Variants in ABCC12 observed in about 807,000 individuals in gnomAD.
ABCC12 encodes the protein ATP-binding cassette sub-family C member 12.
In ABCC12, 142 loss-of-function variants were observed where a neutral mutation model predicts 151.1. The observed-to-expected ratio is 0.94, with a 90% confidence interval of 0.82 to 1.08. ABCC12 has a LOEUF of 1.08. ABCC12 is among the 50% of genes least tolerant of loss of function. ABCC12 has a pLI of 0.00. For missense variants in ABCC12, 1,638 were observed against 1,691.1 expected (o/e 0.97, Z 0.55); for synonymous variants, 645 against 646.4 (o/e 1.00, Z 0.03).
At chr16:48,141,063 T>C in intron 5 of ABCC12, 143 bp from the exon 6 acceptor site, 3 of 1,398,974 alleles carry the variant, frequency 2.1e-6, no homozygotes, top group Admixed American at 2.5e-5. Context: ...TTGACAAGGA[T>C]TCACTTTATG....
Position 48,107,411 on chromosome 16 carries a change from G to A in ABCC12, c.2386C>T (p.Leu796Phe), listed in dbSNP as rs1296046633. 1 of 1,614,188 alleles carries A rather than the reference G, an allele frequency of 6.2e-7. No homozygotes were observed. The highest frequency in any genetic ancestry group is 8.5e-7 in the Non-Finnish European group (1 of 1,180,028). Reference protein sequence around the residue: ...IKASGGYLLSLFTVFLFLLMI... With the variant: ...IKASGGYLLSFFTVFLFLLMI... Reference sequence around the variant, plus strand: ...AGGAGGAAGAGGAACACAGTGAAGAGAGAAAGGAGGTACCCTGCAAGAGGA... The same window carrying A: ...AGGAGGAAGAGGAACACAGTGAAGAAAGAAAGGAGGTACCCTGCAAGAGGA... Residue 796 changes from leucine (L) to phenylalanine (F), a missense_variant, in exon 20 of 31, where the codon CTC becomes TTC. Leu to Phe is a conservative substitution (Grantham distance 22, BLOSUM62 0). Coordinates refer to ENST00000311303, the MANE Select transcript of ABCC12 (RefSeq NM_001393797.1).
chr16:48,145,303 T>C (rs1567458838), intron 3 of ABCC12, among the ~76,000 whole-genome samples: 1 of 152,184 alleles, frequency 6.6e-6, no homozygotes, highest in Admixed American at 6.5e-5. Context: ...CAGGGCCTCG[T>C]TCCATGTAGA....
rs1325326967 is a variant in ABCC12, at chr16:48,107,238, G to A, written c.2475+84C>T. 18 of 1,304,630 alleles carry A rather than the reference G, an allele frequency of 1.4e-5. No homozygotes were observed. The South Asian group carries it at 1.6e-4, about 11-fold the overall frequency. 80.8% of individuals were successfully genotyped at this position (1,304,630 alleles called of 1,614,324 possible). A position where few individuals can be genotyped will look rare whatever the true frequency, so the allele number is the denominator to read the frequency against. On this transcript the variant is annotated intron_variant, in intron 20 of 30. Transcript: ENST00000311303. ...GATGCATGTGGGCTCATGGCATGGTGGCAGGGGCAGTCAGATGCTCTGGCA... is the reference window on the plus strand; with the variant it reads ...GATGCATGTGGGCTCATGGCATGGTAGCAGGGGCAGTCAGATGCTCTGGCA...
intron 10 of ABCC12, among the ~76,000 whole-genome samples, chr16:48,129,582 G>T (rs1964354114): frequency 6.6e-6 from 1 of 152,204 alleles, no homozygotes; most frequent in Non-Finnish European, 1.5e-5. Context: ...TGGAGAGCCT[G>T]GAGGGGACAA....
intron 22 of ABCC12, among the ~76,000 whole-genome samples, chr16:48,103,292 G>A (rs1359429525): frequency 6.6e-6 from 1 of 151,194 alleles, no homozygotes; most frequent in Non-Finnish European, 1.5e-5. Context: ...TATAATTTGG[G>A]GGATTCTCTT....
chr16:48,139,741 T>C (rs775089890), intron 6 of ABCC12, among the ~76,000 whole-genome samples: 24 of 152,170 alleles, frequency 1.6e-4, no homozygotes, highest in Non-Finnish European at 2.4e-4. Flanking sequence ...CATGTGTCCA[T>C]GTTGAGGGCA....
intron 1 of ABCC12, among the ~76,000 whole-genome samples, chr16:48,155,274 A>G (rs1965169365): frequency 6.6e-6 from 1 of 152,178 alleles, no homozygotes; most frequent in Non-Finnish European, 1.5e-5. Context: ...GAGGTCATCC[A>G]TCCAGTTACA....
At chr16:48,150,043 G>T (rs1029669406) in intron 2 of ABCC12, among the ~76,000 whole-genome samples, 1 of 152,188 alleles carries the variant, frequency 6.6e-6, no homozygotes, top group African/African-American at 2.4e-5. Context: ...TCAAGTTAAA[G>T]ATTCTTACTA....
chr16:48,095,279 T>C (rs1025160358), intron 24 of ABCC12, among the ~76,000 whole-genome samples: 1 of 152,176 alleles, frequency 6.6e-6, no homozygotes, highest in Non-Finnish European at 1.5e-5. Flanking sequence ...TCTCATTCTC[T>C]CTTGTCTGCC....
At chr16:48,112,062 C>T in intron 15 of ABCC12, 152 bp from the exon 16 acceptor site, 1 of 966,244 alleles carries the variant, frequency 1.0e-6, no homozygotes, top group Non-Finnish European at 1.5e-6. Context: ...ATATTTACCA[C>T]CCTCCCTGGC....
intron 25 of ABCC12, among the ~76,000 whole-genome samples, chr16:48,090,479 A>G (rs1962833480): frequency 6.7e-6 from 1 of 150,256 alleles, no homozygotes; most frequent in Non-Finnish European, 1.5e-5. Flanking sequence ...CCTGGCTTCA[A>G]GCATTCCTCC....
At chr16:48,110,402 T>C (rs1963644325) in intron 18 of ABCC12, among the ~76,000 whole-genome samples, 1 of 152,194 alleles carries the variant, frequency 6.6e-6, no homozygotes, top group Non-Finnish European at 1.5e-5. Context: ...TGCGAAGTTT[T>C]TTTTTTGGCT....
At chr16:48,137,485 A>G (rs375837080) in intron 8 of ABCC12, among the ~76,000 whole-genome samples, 123 of 152,270 alleles carry the variant, frequency 8.1e-4, no homozygotes, top group African/African-American at 2.7e-3. Flanking sequence ...AGGGTCCCCT[A>G]GTGCTGCTGG....
At position 48,146,303 on chromosome 16, in the gene ABCC12, T is replaced by A. The variant is rs1228180273; in HGVS notation, c.119+3A>T. 6.2e-7 allele frequency: 1 copy of A among 1,613,880 alleles called. No individual in the cohort carries two copies. Among genetic ancestry groups the A allele is most frequent in the East Asian group, 2.2e-5 (1 of 44,886 alleles). On this transcript the variant is annotated splice_donor_region_variant and intron_variant, in intron 3 of 30. Transcript: ENST00000311303. ...CCTCCCTTCTGTCCTTCTTCTGACTTACCTTGCACAGGGTCGCACTGGGAT... is the reference window on the plus strand; with the variant it reads ...CCTCCCTTCTGTCCTTCTTCTGACTAACCTTGCACAGGGTCGCACTGGGAT...
intron 9 of ABCC12, among the ~76,000 whole-genome samples, chr16:48,131,131 C>G (rs1964413041): frequency 6.6e-6 from 1 of 152,174 alleles, no homozygotes; most frequent in Non-Finnish European, 1.5e-5. Flanking sequence ...CAAGTATATC[C>G]CCTTGTCTCT....
Position 48,088,578 on chromosome 16 carries a change from G to T in ABCC12, c.3442C>A (p.Gln1148Lys). Residue 1148 changes from glutamine (Q) to lysine (K), a missense_variant, in exon 26 of 31, where the codon CAG (glutamine) becomes AAG (lysine). By Grantham distance (53) the Gln-to-Lys change is moderately conservative. Coordinates refer to ENST00000311303, the MANE Select transcript of ABCC12 (RefSeq NM_001393797.1). ...DSLNLNIQSG[Q>K]TVGIVGRTGS... ...GTTCTTCCAACAATCCCGACTGTCT[G>T]CCCACTTTGTATGTTCAAGTTCAGG... The T allele has an allele frequency of 6.2e-7, 1 of 1,614,154 alleles. No homozygotes were observed. Among genetic ancestry groups the T allele is most frequent in the Non-Finnish European group, 8.5e-7 (1 of 1,180,016 alleles).
chr16:48,088,569 C>T lies in ABCC12; in HGVS notation c.3451G>A (p.Gly1151Arg), dbSNP rs774085761. The change falls in exon 26 of 31, where the codon GGG becomes AGG. Residue 1151 changes from glycine to arginine, a missense_variant. Coordinates refer to ENST00000311303, the MANE Select transcript of ABCC12 (RefSeq NM_001393797.1). ...NLNIQSGQTV[G>R]IVGRTGSGKS... ...CCGGAACCTGTTCTTCCAACAATCCCGACTGTCTGCCCACTTTGTATGTTC... is the reference window on the plus strand; with the variant it reads ...CCGGAACCTGTTCTTCCAACAATCCTGACTGTCTGCCCACTTTGTATGTTC... The T allele has an allele frequency of 9.9e-6, 16 of 1,613,906 alleles. No homozygotes were observed. Among genetic ancestry groups the T allele is most frequent in the Admixed American group, 1.7e-5 (1 of 59,996 alleles).
intron 11 of ABCC12, among the ~76,000 whole-genome samples, chr16:48,126,991 G>C (rs1433754038): frequency 6.6e-6 from 1 of 152,118 alleles, no homozygotes; most frequent in Non-Finnish European, 1.5e-5. Context: ...GGGAAGTCAG[G>C]TGCTCCACGG....
intron 4 of ABCC12, 106 bp downstream of exon 4, chr16:48,143,804 G>C: frequency 7.1e-7 from 1 of 1,398,930 alleles, no homozygotes; most frequent in African/African-American, 1.4e-5. Context: ...ACATGGAACT[G>C]TGAGTCCATT....
Sources: gnomAD v4.1 joint callset for allele counts (sites outside exome capture counted in the v4.1 genomes callset) on GRCh38, gnomAD v4.1.1 for gene constraint, MANE v1.5 for transcripts, NCBI Gene and HGNC (gene_info 2026-07-23, HGNC 2026-07-21) for gene names.